Variants in WDR88 observed in about 807,000 individuals in gnomAD.
WDR88 encodes the protein WD repeat-containing protein 88.
In WDR88, 40 loss-of-function variants were observed where a neutral mutation model predicts 46.8. That is an observed-to-expected ratio of 0.86 (90% CI 0.66 to 1.11). The LOEUF (loss-of-function observed/expected upper bound fraction) is 1.11. WDR88 is among the 50% of genes most tolerant of loss of function. WDR88 has a pLI of 0.00. For synonymous variants in WDR88, 235 were observed against 240.7 expected, an observed-to-expected ratio of 0.98 and a Z score of 0.22; for missense variants, 562 against 602.4, an observed-to-expected ratio of 0.93 and a Z score of 0.70.
chr19:33,134,830 C>A (rs1364708649), intron 1 of WDR88, among the ~76,000 whole-genome samples: 1 of 144,190 alleles, frequency 6.9e-6, no homozygotes, highest in Non-Finnish European at 1.5e-5. Flanking sequence ...TCCACCTGCA[C>A]GTCCCCGACA....
At chr19:33,135,029 C>T (rs1973230207) in intron 1 of WDR88, among the ~76,000 whole-genome samples, 1 of 131,194 alleles carries the variant, frequency 7.6e-6, no homozygotes, top group East Asian at 2.8e-4. Context: ...TGGGACGTGT[C>T]GCCATGCGCG....
intron 8 of WDR88, among the ~76,000 whole-genome samples, chr19:33,161,672 G>A (rs1180259967): frequency 6.6e-6 from 1 of 152,080 alleles, no homozygotes; most frequent in Non-Finnish European, 1.5e-5. Context: ...TGTGCTTAAA[G>A]TCCCTCTGTC....
chr19:33,153,414 T>C (rs1055599174), intron 6 of WDR88, among the ~76,000 whole-genome samples: 2 of 151,994 alleles, frequency 1.3e-5, no homozygotes, highest in African/African-American at 4.8e-5. Context: ...TGTTGGATCA[T>C]ATGGTAATAC....
At chr19:33,169,897 G>A (rs1035545014) in intron 9 of WDR88, among the ~76,000 whole-genome samples, 5 of 152,048 alleles carry the variant, frequency 3.3e-5, no homozygotes, top group African/African-American at 1.2e-4. Flanking sequence ...TTATTTTTGA[G>A]ATGGAGTTTC....
At chr19:33,147,538 G>T in intron 3 of WDR88, 107 bp from the exon 4 acceptor site, 1 of 1,040,760 alleles carries the variant, frequency 9.6e-7, no homozygotes, top group Non-Finnish European at 1.4e-6. Context: ...GGGAGGTGGA[G>T]GTTGCAGTGA....
intron 6 of WDR88, among the ~76,000 whole-genome samples, chr19:33,156,018 CT>C (rs1437363301): frequency 6.6e-6 from 1 of 152,214 alleles, no homozygotes; most frequent in African/African-American, 2.4e-5. Context: ...CCACTAGAGC[CT>C]AGGAGTTTGA....
At chr19:33,135,896 C>CT (rs1473821322) in intron 1 of WDR88, among the ~76,000 whole-genome samples, 44 of 149,640 alleles carry the variant, frequency 2.9e-4, no homozygotes, top group Admixed American at 1.1e-3. Context: ...TCTTTCTTTT[C>CT]TTTTATTTTT....
intron 1 of WDR88, among the ~76,000 whole-genome samples, 161 bp from the exon 2 acceptor site, chr19:33,137,516 G>A (rs894931340): frequency 8.6e-5 from 13 of 152,000 alleles, no homozygotes; most frequent in Non-Finnish European, 1.6e-4. Flanking sequence ...GCCTCCCAAA[G>A]TGCTGGGATT....
At chr19:33,147,097 C>T (rs1973534605) in intron 3 of WDR88, among the ~76,000 whole-genome samples, 1 of 150,788 alleles carries the variant, frequency 6.6e-6, no homozygotes. Context: ...AATAGCCAGG[C>T]ATGATGATGA....
At chr19:33,137,219 T>C (rs1973286501) in intron 1 of WDR88, among the ~76,000 whole-genome samples, 1 of 150,656 alleles carries the variant, frequency 6.6e-6, no homozygotes, top group Admixed American at 6.7e-5. Flanking sequence ...CCCAGAATGC[T>C]GGGATTACAG....
At chr19:33,139,581 G>C (rs1019076082) in intron 2 of WDR88, among the ~76,000 whole-genome samples, 4 of 152,122 alleles carry the variant, frequency 2.6e-5, no homozygotes, top group Non-Finnish European at 5.9e-5. Context: ...CCTGCTAGGG[G>C]GACAGATACT....
chr19:33,137,407 C>A (rs2145362887), intron 1 of WDR88, among the ~76,000 whole-genome samples: 1 of 152,138 alleles, frequency 6.6e-6, no homozygotes, highest in Non-Finnish European at 1.5e-5. Flanking sequence ...CATGCGCCAC[C>A]ATGCCCAGCC....
chr19:33,146,081 G>A (rs779849791), intron 3 of WDR88, among the ~76,000 whole-genome samples: 1 of 152,006 alleles, frequency 6.6e-6, no homozygotes, highest in African/African-American at 2.4e-5. Flanking sequence ...ACCTGAGGTC[G>A]GGTAGCCTTG....
Position 33,132,252 on chromosome 19 carries a change from A to G in WDR88, c.83A>G (p.Tyr28Cys). The G allele has an allele frequency of 1.9e-6, 3 of 1,612,768 alleles. No individual in the cohort carries two copies. The highest frequency in any genetic ancestry group is 2.5e-6 in the Non-Finnish European group (3 of 1,179,910). ...LPPPSAPASE[Y>C]CPGKLSWGTM... ...CCACCCTCCGCCCCCGCCAGCGAGT[A>G]TTGTCCCGGCAAGCTGTCCTGGGGG... The change falls in exon 1 of 11, where the codon TAT becomes TGT. Residue 28 changes from tyrosine (Y) to cysteine (C), a missense_variant. By Grantham distance (194) the Tyr-to-Cys change is radical (BLOSUM62 -2). Coordinates refer to ENST00000355868, the MANE Select transcript of WDR88 (RefSeq NM_173479.4).
chr19:33,174,393 A>T, intron 10 of WDR88: 1 of 1,403,418 alleles, frequency 7.1e-7, no homozygotes, highest in South Asian at 1.6e-5. Flanking sequence ...GGGCGCGGCC[A>T]CCTTGCAGGC....
chr19:33,164,140 G>A (rs1195878867), intron 8 of WDR88, 57 bp from the exon 9 acceptor site: 23 of 1,555,994 alleles, frequency 1.5e-5, no homozygotes, highest in Non-Finnish European at 2.0e-5. Context: ...GCTTGTTTTT[G>A]TTGTTCTTTC....
At chr19:33,171,066 A>G (rs1974031538) in intron 9 of WDR88, among the ~76,000 whole-genome samples, 1 of 151,992 alleles carries the variant, frequency 6.6e-6, no homozygotes, top group Non-Finnish European at 1.5e-5. Context: ...GCTTATTGCA[A>G]ACTCTGCCTC....
Position 33,144,145 on chromosome 19 carries a change from G to C in WDR88, c.388-699G>C, listed in dbSNP as rs139990300. Among the ~76,000 whole-genome samples, 1,002 of 152,290 alleles carry C rather than the reference G, an allele frequency of 6.6e-3. 5 individuals carry two copies. Among genetic ancestry groups the C allele is most frequent in the Non-Finnish European group, 9.5e-3 (647 of 68,024 alleles). On this transcript the variant is annotated intron_variant, in intron 2 of 10. Transcript: ENST00000355868. ...GATCATTCTGGCGCTGCCCTCAGTT[G>C]GCCCCGGCCCGCCCAGAGTGCGTGC...
At chr19:33,169,649 A>G (rs1402263961) in intron 9 of WDR88, among the ~76,000 whole-genome samples, 2 of 143,908 alleles carry the variant, frequency 1.4e-5, no homozygotes, top group African/African-American at 2.6e-5. Flanking sequence ...TGATGGTGAC[A>G]GAGTGAGACC....
Sources: allele counts gnomAD v4.1 joint callset (sites outside exome capture counted in the v4.1 genomes callset), GRCh38; gene constraint gnomAD v4.1.1; transcripts MANE v1.5; gene names NCBI Gene and HGNC (gene_info 2026-07-23, HGNC 2026-07-21).